Variants in AP4E1 observed in about 807,000 individuals in gnomAD.
The protein encoded by AP4E1 is AP-4 complex subunit epsilon-1.
A neutral mutation model predicts 128.2 loss-of-function variants in AP4E1; 56 were observed. The observed-to-expected ratio is 0.44, with a 90% CI of 0.35 to 0.55. The LOEUF is 0.55. Ranked by LOEUF, AP4E1 falls within the 20% of genes least tolerant of loss-of-function variation. AP4E1 has a pLI of 0.00. For missense variants in AP4E1, 1,324 were observed against 1,307.7 expected, an observed-to-expected ratio of 1.01 and a Z score of -0.19; for synonymous variants, 484 against 473.1, an observed-to-expected ratio of 1.02 and a Z score of -0.30.
intron 5 of AP4E1, among the ~76,000 whole-genome samples, chr15:50,926,992 A>G (rs973559728): frequency 1.3e-5 from 2 of 152,352 alleles, no homozygotes; most frequent in Non-Finnish European, 1.5e-5. Flanking sequence ...CAGACTTTTT[A>G]TGTATTGTAT....
chr15:50,945,075 G>A, intron 10 of AP4E1: 1 of 782,186 alleles, frequency 1.3e-6, no homozygotes, highest in Non-Finnish European at 2.4e-6. Flanking sequence ...ATGGAAAATG[G>A]ATGGGCCAGG....
At chr15:50,916,402 T>G (rs979626290) in intron 3 of AP4E1, among the ~76,000 whole-genome samples, 1 of 152,218 alleles carries the variant, frequency 6.6e-6, no homozygotes, top group Non-Finnish European at 1.5e-5. Flanking sequence ...CTCTCTATAG[T>G]CAACCTTTAG....
At chr15:50,971,418 CA>C (rs2064476264) in intron 15 of AP4E1, among the ~76,000 whole-genome samples, 1 of 152,126 alleles carries the variant, frequency 6.6e-6, no homozygotes, top group African/African-American at 2.4e-5. Flanking sequence ...AAATGTGCCA[CA>C]AAAAGGACCT....
At chr15:50,948,972 C>CAA (rs769031147) in intron 11 of AP4E1, among the ~76,000 whole-genome samples, 5 of 70,524 alleles carry the variant, frequency 7.1e-5, no homozygotes, top group Admixed American at 1.5e-4. Flanking sequence ...AACTCCGTCT[C>CAA]AAAAAAAAAA....
intron 15 of AP4E1, among the ~76,000 whole-genome samples, chr15:50,974,681 G>GT (rs921489681): frequency 7.9e-5 from 12 of 152,016 alleles, no homozygotes; most frequent in African/African-American, 2.9e-4. Flanking sequence ...TTCCTGACAC[G>GT]TTATGTTTTC....
At chr15:50,916,938 A>G (rs1435935820) in intron 3 of AP4E1, among the ~76,000 whole-genome samples, 6 of 152,066 alleles carry the variant, frequency 3.9e-5, no homozygotes, top group African/African-American at 1.4e-4. Context: ...TTTTATTAGT[A>G]ATTTGCTTTT....
chr15:50,963,978 G>A (rs1308662003), intron 14 of AP4E1, among the ~76,000 whole-genome samples: 2 of 152,204 alleles, frequency 1.3e-5, no homozygotes, highest in Admixed American at 6.5e-5. Context: ...ACAGGCGTGA[G>A]CCACCACTCC....
chr15:50,984,200 G>C, intron 16 of AP4E1, 55 bp downstream of exon 16: 1 of 1,603,804 alleles, frequency 6.2e-7, no homozygotes, highest in Non-Finnish European at 8.5e-7. Flanking sequence ...ATGTCTTTTA[G>C]CGTTCCATTT....
chr15:50,908,113 C>T (rs1238953194), upstream of AP4E1, among the ~76,000 whole-genome samples: 1 of 152,226 alleles, frequency 6.6e-6, no homozygotes, highest in Non-Finnish European at 1.5e-5. Context: ...TCCCCAAATC[C>T]CAGGAGAAGA....
At chr15:50,960,534 G>C (rs1194404713) in intron 14 of AP4E1, among the ~76,000 whole-genome samples, 1 of 152,034 alleles carries the variant, frequency 6.6e-6, no homozygotes, top group Non-Finnish European at 1.5e-5. Context: ...GATTAGGTCA[G>C]TGAAGAAATT....
At chr15:50,970,596 C>T (rs947310780) in intron 15 of AP4E1, among the ~76,000 whole-genome samples, 1 of 152,082 alleles carries the variant, frequency 6.6e-6, no homozygotes, top group Non-Finnish European at 1.5e-5. Flanking sequence ...ATGAATTGAT[C>T]CCTTTATTGT....
intron 10 of AP4E1, among the ~76,000 whole-genome samples, chr15:50,947,372 T>C (rs1239528955): frequency 1.3e-5 from 2 of 148,608 alleles, no homozygotes; most frequent in Admixed American, 6.8e-5. Flanking sequence ...GCTGAGATTG[T>C]ACCACTGCAC....
chr15:51,002,663 C>G lies in AP4E1; in HGVS notation c.*1C>G, dbSNP rs774062011. ...TCAAAAGGTGATGGAGGGATCCTAG[C>G]AGAAGCCCTGCTAAATTTTACTCCA... On this transcript the variant is annotated 3_prime_UTR_variant, in exon 21 of 21. Coordinates refer to ENST00000261842, the MANE Select transcript of AP4E1 (RefSeq NM_007347.5). The G allele has an allele frequency of 2.8e-5, 45 of 1,613,858 alleles. No homozygotes were observed. In the Admixed American group the frequency reaches 7.5e-4, roughly 27 times the overall value.
chr15:50,913,229 T>G (rs1416936212), intron 2 of AP4E1, among the ~76,000 whole-genome samples: 1 of 152,244 alleles, frequency 6.6e-6, no homozygotes, highest in Admixed American at 6.5e-5. Flanking sequence ...TATATCCATG[T>G]GTATATATGT....
intron 3 of AP4E1, among the ~76,000 whole-genome samples, chr15:50,923,565 G>T (rs984080167): frequency 1.3e-5 from 2 of 151,972 alleles, no homozygotes. Context: ...ATTAGTTTTT[G>T]AATTATATAT....
At chr15:50,995,810 G>C (rs1414471561) in intron 17 of AP4E1, among the ~76,000 whole-genome samples, 1 of 150,344 alleles carries the variant, frequency 6.7e-6, no homozygotes, top group Non-Finnish European at 1.5e-5. Context: ...AATAATAACA[G>C]ATTGACAATG....
In AP4E1 at chr15:50,984,108, G is replaced by C. The variant is rs1187523349; in HGVS notation, c.2053G>C (p.Asp685His). 3 of 1,613,346 alleles carry C rather than the reference G, an allele frequency of 1.9e-6. No individual in the cohort carries two copies. Among genetic ancestry groups the C allele is most frequent in the African/African-American group, 1.3e-5 (1 of 74,894 alleles). The change falls in exon 16 of 21, where the codon GAT becomes CAT. Residue 685 changes from aspartate to histidine, a missense_variant. Transcript: ENST00000261842. ...TCCTGCTGGCATTTCTCTTGGTTCA[G>C]ATGTATCTGGGAATAGTGCTGAGAC... ...QSPAGISLGS[D>H]VSGNSAETGL...
chr15:50,909,898 G>A (rs1019394523), intron 1 of AP4E1, among the ~76,000 whole-genome samples: 2 of 152,224 alleles, frequency 1.3e-5, no homozygotes, highest in East Asian at 1.9e-4. Flanking sequence ...TGTTAGCGAG[G>A]ATGGTCTCGA....
At chr15:50,938,964 T>G (rs2063947073) in intron 8 of AP4E1, among the ~76,000 whole-genome samples, 1 of 152,204 alleles carries the variant, frequency 6.6e-6, no homozygotes, top group Non-Finnish European at 1.5e-5. Flanking sequence ...AACTCTATTC[T>G]GAGGGATAAG....
Sources: gnomAD v4.1 joint callset for allele counts (sites outside exome capture counted in the v4.1 genomes callset) on GRCh38, gnomAD v4.1.1 for gene constraint, MANE v1.5 for transcripts, NCBI Gene and HGNC (gene_info 2026-07-23, HGNC 2026-07-21) for gene names.